ZNF540: variants seen among roughly 807,000 people sequenced by gnomAD.
The protein encoded by ZNF540 is zinc finger protein 540.
ZNF540 carries 3 observed loss-of-function variants against 11.8 expected under a neutral mutation model. That is an observed-to-expected ratio of 0.25 (90% CI 0.12 to 0.65). The LOEUF (loss-of-function observed/expected upper bound fraction) is 0.65. Ranked by LOEUF, ZNF540 falls within the 30% of genes least tolerant of loss-of-function variation. The pLI is 0.83. For synonymous variants in ZNF540, 247 were observed against 259.0 expected, an observed-to-expected ratio of 0.95 and a Z score of 0.45; for missense variants, 709 against 793.1, an observed-to-expected ratio of 0.89 and a Z score of 1.27.
At chr19:37,579,161 G>T (rs944752591) in intron 1 of ZNF540, among the ~76,000 whole-genome samples, 1 of 152,154 alleles carries the variant, frequency 6.6e-6, no homozygotes, top group Admixed American at 6.5e-5. Context: ...ATGAGAGTTC[G>T]ACCAGTGACC....
In ZNF540 at chr19:37,612,369, C is replaced by G. The variant is rs1205759345; in HGVS notation, c.1089C>G (p.Thr363=). 2 of 1,613,676 alleles carry G rather than the reference C, an allele frequency of 1.2e-6. No homozygotes were observed. Among genetic ancestry groups the G allele is most frequent in the South Asian group, 1.1e-5 (1 of 91,058 alleles). The change falls in exon 5 of 5, where the codon ACC becomes ACG. Residue 363 remains threonine (T), a synonymous_variant. Transcript: ENST00000316433. ...ACGAATGTAAGGAATGTGGAAAGAC[C>G]TTTAGACTTAGTTTTTACCTTACTG... ...KPYECKECGK[T]FRLSFYLTEH...
rs1257730291 is a variant in ZNF540, at chr19:37,595,054, G to C, written c.-114G>C. The C allele has an allele frequency of 3.3e-5, 5 of 152,150 alleles. No individual in the cohort carries two copies. In the East Asian group the frequency reaches 9.6e-4, roughly 29 times the overall value. The allele number at this position is 152,150 out of a possible 1,614,324, so 9.4% of individuals were successfully genotyped here. A position where few individuals can be genotyped will look rare whatever the true frequency, so the allele number is the denominator to read the frequency against. ...TGAGTCTTGCCGTGGTGCCTTCAGGGGAATGTCATCCCGGGCTAGAAGAGC... is the reference window on the plus strand; with the variant it reads ...TGAGTCTTGCCGTGGTGCCTTCAGGCGAATGTCATCCCGGGCTAGAAGAGC... On this transcript the variant is annotated 5_prime_UTR_variant, in exon 1 of 5. Coordinates refer to ENST00000316433, the MANE Select transcript of ZNF540 (RefSeq NM_001172225.3).
intron 1 of ZNF540, among the ~76,000 whole-genome samples, chr19:37,558,778 C>T (rs2042687489): frequency 6.6e-6 from 1 of 151,826 alleles, no homozygotes; most frequent in African/African-American, 2.4e-5. Flanking sequence ...AATGTGTCTC[C>T]AAGTAGAAAG....
chr19:37,564,912 C>G, intron 1 of ZNF540: 2 of 1,614,024 alleles, frequency 1.2e-6, no homozygotes, highest in Non-Finnish European at 1.7e-6. Flanking sequence ...TTGTCACATT[C>G]CTTACATTTG....
intron 1 of ZNF540, among the ~76,000 whole-genome samples, chr19:37,580,147 A>T (rs960277253): frequency 2.5e-4 from 38 of 152,232 alleles, no homozygotes; most frequent in African/African-American, 9.2e-4. Context: ...ACTGACTAGC[A>T]ACCCTACATG....
chr19:37,609,709 T>G (rs1377247697), intron 4 of ZNF540, among the ~76,000 whole-genome samples: 2 of 151,286 alleles, frequency 1.3e-5, no homozygotes, highest in Admixed American at 6.6e-5. Flanking sequence ...TTAGCTGGGT[T>G]TGGTGGCATG....
Position 37,584,092 on chromosome 19 carries a change from C to T in ZNF540, c.-72-14284C>T, listed in dbSNP as rs1306481028. ...CAATGGCCACATCCCTGAAAGTCAC[C>T]AACAACTGAAACAACAAATCCATTA... On this transcript the variant is annotated intron_variant, in intron 1 of 4. Transcript: ENST00000592533. 8 of 1,614,018 alleles carry T rather than the reference C, an allele frequency of 5.0e-6. No individual in the cohort carries two copies. In the Admixed American group the frequency reaches 1.3e-4, roughly 27 times the overall value.
intron 1 of ZNF540, chr19:37,566,102 C>G (rs1285085056): frequency 3.7e-6 from 6 of 1,613,908 alleles, no homozygotes; most frequent in Non-Finnish European, 4.2e-6. Context: ...AATTTTGACA[C>G]ACATGTAAAG....
intron 1 of ZNF540, chr19:37,556,270 A>T: frequency 1.6e-6 from 1 of 612,108 alleles, no homozygotes; most frequent in South Asian, 1.9e-5. Flanking sequence ...GTGAGGAGAA[A>T]GGAGTAGGAA....
chr19:37,611,810 A>G lies in ZNF540; in HGVS notation c.530A>G (p.Gln177Arg). 6.2e-7 allele frequency: 1 copy of G among 1,614,060 alleles called. No homozygotes were observed. The highest frequency in any genetic ancestry group is 8.5e-7 in the Non-Finnish European group (1 of 1,179,962). The change falls in exon 5 of 5, where the codon CAA (glutamine) becomes CGA (arginine). Residue 177 changes from glutamine to arginine, a missense_variant. Coordinates refer to ENST00000316433, the MANE Select transcript of ZNF540 (RefSeq NM_001172225.3). Reference protein sequence around the residue: ...SEKSCDSHLVQHGKIDSDVKH... With the variant: ...SEKSCDSHLVRHGKIDSDVKH... ...AAAAGCTGTGACTCACACTTGGTTC[A>G]ACATGGGAAAATAGATTCTGATGTG...
intron 1 of ZNF540, among the ~76,000 whole-genome samples, chr19:37,596,165 C>T (rs1042142847): frequency 1.3e-5 from 2 of 152,184 alleles, no homozygotes; most frequent in Admixed American, 1.3e-4. Flanking sequence ...TCCATCACCT[C>T]GAGGATCTGT....
chr19:37,578,392 C>G (rs766950208), intron 1 of ZNF540, among the ~76,000 whole-genome samples: 39 of 152,146 alleles, frequency 2.6e-4, no homozygotes, highest in Non-Finnish European at 4.7e-4. Flanking sequence ...GCCACACTTC[C>G]CACATGGCCC....
At chr19:37,586,828 T>C in intron 1 of ZNF540, 1 of 799,242 alleles carries the variant, frequency 1.3e-6, no homozygotes, top group Admixed American at 2.6e-5. Flanking sequence ...TTACTTCTCC[T>C]CTTTTGGGAA....
chr19:37,568,773 A>G (rs896446704), intron 1 of ZNF540, among the ~76,000 whole-genome samples: 2 of 152,178 alleles, frequency 1.3e-5, no homozygotes, highest in Non-Finnish European at 2.9e-5. Context: ...ATATGGTGAA[A>G]AAAGGGAAAA....
upstream of ZNF540, among the ~76,000 whole-genome samples, chr19:37,591,561 T>C (rs2043867949): frequency 6.6e-6 from 1 of 152,194 alleles, no homozygotes; most frequent in Non-Finnish European, 1.5e-5. Flanking sequence ...TTATTTATCT[T>C]GAGATGGAGT....
chr19:37,609,271 C>T (rs375021392), intron 4 of ZNF540, among the ~76,000 whole-genome samples: 8 of 152,090 alleles, frequency 5.3e-5, no homozygotes, highest in African/African-American at 1.9e-4. Context: ...GGGCCGGGCA[C>T]GGTGGCTAAC....
At chr19:37,589,010 G>C (rs1390155857) in intron 1 of ZNF540, among the ~76,000 whole-genome samples, 1 of 152,022 alleles carries the variant, frequency 6.6e-6, no homozygotes, top group African/African-American at 2.4e-5. Flanking sequence ...CGTCAGCCTG[G>C]CCAATGTGGT....
At chr19:37,590,617 A>G (rs915584640), upstream of ZNF540, among the ~76,000 whole-genome samples, 1 of 152,196 alleles carries the variant, frequency 6.6e-6, no homozygotes, top group African/African-American at 2.4e-5. Flanking sequence ...GAAAATTACT[A>G]TCAGGTAGTT....
chr19:37,594,954 A>G lies in ZNF540; in HGVS notation c.-214A>G, dbSNP rs1314902304. ...CTCGAACTGTGGGACTTACCCTACTATGGTCCGAGCCTACCCTATTTCATT... is the reference window on the plus strand; with the variant it reads ...CTCGAACTGTGGGACTTACCCTACTGTGGTCCGAGCCTACCCTATTTCATT... On this transcript the variant is annotated 5_prime_UTR_variant, in exon 1 of 5. The change abolishes an upstream ATG in the 5' untranslated region. Transcript: ENST00000316433. The G allele has an allele frequency of 6.6e-6, 1 of 152,120 alleles. No homozygotes were observed. The highest frequency in any genetic ancestry group is 1.5e-5 in the Non-Finnish European group (1 of 68,038). 9.4% of individuals were successfully genotyped at this position (152,120 alleles called of 1,614,324 possible). A position where few individuals can be genotyped will look rare whatever the true frequency, so the allele number is the denominator to read the frequency against.
Sources: allele counts gnomAD v4.1 joint callset (sites outside exome capture counted in the v4.1 genomes callset), GRCh38; gene constraint gnomAD v4.1.1; transcripts MANE v1.5; gene names NCBI Gene and HGNC (gene_info 2026-07-23, HGNC 2026-07-21).